RPS6KA2: variants seen among roughly 807,000 people sequenced by gnomAD.
The protein encoded by RPS6KA2 is ribosomal protein S6 kinase A2, also known as ribosomal protein S6 kinase alpha-2.
Under a neutral mutation model 91.8 loss-of-function variants are expected in RPS6KA2, and 42 were observed. That is an observed-to-expected ratio of 0.46 (90% CI 0.36 to 0.59). The LOEUF is 0.59. RPS6KA2 is among the 20% of genes least tolerant of loss of function. The pLI is 0.00. For synonymous variants in RPS6KA2, 414 were observed against 393.6 expected, an observed-to-expected ratio of 1.05 and a Z score of -0.61; for missense variants, 798 against 978.5, an observed-to-expected ratio of 0.82 and a Z score of 2.46.
intron 2 of RPS6KA2, among the ~76,000 whole-genome samples, chr6:166,832,421 A>G (rs1780210939): frequency 1.3e-5 from 2 of 152,236 alleles, no homozygotes; most frequent in African/African-American, 2.4e-5. Flanking sequence ...GACAGACCCC[A>G]GAGCCCAGGC....
At chr6:166,573,832 T>TA (rs1463829800) in intron 1 of RPS6KA2, among the ~76,000 whole-genome samples, 3 of 152,146 alleles carry the variant, frequency 2.0e-5, no homozygotes, top group African/African-American at 7.2e-5. Context: ...TGAAAAAAGT[T>TA]AGAGAGAACT....
chr6:166,522,798 AC>A (rs1205406038), intron 3 of RPS6KA2, among the ~76,000 whole-genome samples: 2 of 152,204 alleles, frequency 1.3e-5, no homozygotes, highest in Non-Finnish European at 2.9e-5. Flanking sequence ...TTGGGGGCAA[AC>A]TTTTTACAGT....
intron 16 of RPS6KA2, among the ~76,000 whole-genome samples, chr6:166,427,625 T>C (rs1240015161): frequency 2.0e-5 from 3 of 152,204 alleles, no homozygotes; most frequent in East Asian, 1.9e-4. Flanking sequence ...AAAATCAATG[T>C]ACAAAAATCA....
intron 16 of RPS6KA2, among the ~76,000 whole-genome samples, chr6:166,425,367 C>T (rs936181114): frequency 6.6e-6 from 1 of 151,910 alleles, no homozygotes; most frequent in African/African-American, 2.4e-5. Flanking sequence ...TAAAGACCAT[C>T]GAGACTAGGA....
chr6:166,443,458 T>C (rs900910933), intron 14 of RPS6KA2, among the ~76,000 whole-genome samples: 1 of 152,152 alleles, frequency 6.6e-6, no homozygotes, highest in Admixed American at 6.5e-5. Flanking sequence ...CGGTGAAAAA[T>C]ATGTGAGAAC....
chr6:166,856,498 A>C lies in RPS6KA2; in HGVS notation c.123+1702T>G, dbSNP rs567864871. 2.0e-5 allele frequency among the ~76,000 whole-genome samples: 3 copies of C among 152,314 alleles called. No individual in the cohort carries two copies. The South Asian group carries it at 6.2e-4, about 32-fold the overall frequency. The stretch of plus-strand genomic sequence containing the variant: ...TGTGGCATTCTGCTATGGCAGCCTG[A>C]ATGCAGCAGGACATGGTGTTATGGA... On this transcript the variant is annotated intron_variant, in intron 2 of 21. Coordinates refer to the RPS6KA2 transcript ENST00000503859.
At chr6:166,501,636 G>A (rs187648266) in intron 6 of RPS6KA2, among the ~76,000 whole-genome samples, 2 of 152,346 alleles carry the variant, frequency 1.3e-5, no homozygotes, top group East Asian at 3.9e-4. Context: ...AATGGAGGCA[G>A]GGTCCGTAAA....
In RPS6KA2 at chr6:166,533,572, G is replaced by C. The variant is rs538548840; in HGVS notation, c.217-2259C>G. 6.6e-6 allele frequency among the ~76,000 whole-genome samples: 1 copy of C among 152,352 alleles called. No homozygotes were observed. The highest frequency in any genetic ancestry group is 1.9e-4 in the East Asian group (1 of 5,170). On this transcript the variant is annotated intron_variant, in intron 2 of 20. Transcript: ENST00000265678. This position sits in a 1 kb window ranked among gnomAD's most constrained non-coding sequence, Gnocchi z 4.0. ...CTGGCCTAGGCAATGAAGAGCAGGT[G>C]CAAAACGTTCCAGCTGCCACTCCCT...
intron 2 of RPS6KA2, among the ~76,000 whole-genome samples, chr6:166,536,616 G>A (rs896917073): frequency 2.6e-5 from 4 of 152,052 alleles, no homozygotes; most frequent in African/African-American, 7.2e-5. Flanking sequence ...ATTAATCCAC[G>A]AAGCGGACCT....
intron 12 of RPS6KA2, among the ~76,000 whole-genome samples, chr6:166,452,304 G>A (rs940697157): frequency 1.3e-5 from 2 of 152,054 alleles, no homozygotes; most frequent in East Asian, 1.9e-4. Context: ...AAAGTGCACA[G>A]TAATAACAAA....
At chr6:166,514,860 G>A (rs531406173) in intron 3 of RPS6KA2, among the ~76,000 whole-genome samples, 1 of 152,180 alleles carries the variant, frequency 6.6e-6, no homozygotes, top group Non-Finnish European at 1.5e-5. Flanking sequence ...CTGCCTGGGC[G>A]ACTGGTGGAG....
Position 166,557,881 on chromosome 6 carries a change from G to A in RPS6KA2, c.100-19097C>T, listed in dbSNP as rs1182280215. 6.6e-6 allele frequency among the ~76,000 whole-genome samples: 1 copy of A among 152,132 alleles called. No individual in the cohort carries two copies. The highest frequency in any genetic ancestry group is 2.4e-5 in the African/African-American group (1 of 41,420). Reference sequence around the variant, plus strand: ...TAGAAAGCCTGTTACACCAGTGTATGTCAGGGTTCTTCAGAAAAACAAAAC... The same window carrying A: ...TAGAAAGCCTGTTACACCAGTGTATATCAGGGTTCTTCAGAAAAACAAAAC... On this transcript the variant is annotated intron_variant, in intron 1 of 20. Coordinates refer to ENST00000265678, the MANE Select transcript of RPS6KA2 (RefSeq NM_021135.6). The surrounding 1 kb of genome is among the most constrained non-coding windows in gnomAD (Gnocchi z 4.8).
chr6:166,447,534 A>G (rs1779719348), intron 14 of RPS6KA2, among the ~76,000 whole-genome samples: 1 of 152,164 alleles, frequency 6.6e-6, no homozygotes, highest in African/African-American at 2.4e-5. Flanking sequence ...TTCCCAGTGC[A>G]AGAAACACGG....
At chr6:166,792,200 C>G (rs965975517) in intron 2 of RPS6KA2, among the ~76,000 whole-genome samples, 2 of 152,204 alleles carry the variant, frequency 1.3e-5, no homozygotes, top group African/African-American at 4.8e-5. Context: ...GAAATACAAA[C>G]TACCATCAGA....
At chr6:166,488,612 G>A (rs1430147046) in intron 10 of RPS6KA2, among the ~76,000 whole-genome samples, 1 of 152,210 alleles carries the variant, frequency 6.6e-6, no homozygotes, top group South Asian at 2.1e-4. Flanking sequence ...AACAGCTTAT[G>A]GTATTTTGGC....
intron 2 of RPS6KA2, among the ~76,000 whole-genome samples, chr6:166,837,433 T>C (rs62438024): frequency 0.19 from 28,173 of 152,156 alleles, 2,845 homozygotes; most frequent in African/African-American, 0.23. Flanking sequence ...AAGCAGGGCC[T>C]TCCCCCTCCC....
chr6:166,591,749 C>T (rs1785361223), intron 1 of RPS6KA2, among the ~76,000 whole-genome samples: 1 of 152,164 alleles, frequency 6.6e-6, no homozygotes, highest in African/African-American at 2.4e-5. Flanking sequence ...CGGTTAATCC[C>T]ACCTGTTCGA....
chr6:166,677,436 A>G (rs1375622910), intron 2 of RPS6KA2, among the ~76,000 whole-genome samples: 1 of 149,418 alleles, frequency 6.7e-6, no homozygotes, highest in African/African-American at 2.5e-5. Context: ...ATGTCGGCTC[A>G]CTGCAACCTC....
At position 166,490,890 on chromosome 6, in the gene RPS6KA2, G is replaced by A; in HGVS notation, c.748-149C>T. The A allele has an allele frequency of 1.6e-6, 1 of 633,476 alleles. No individual in the cohort carries two copies. Among genetic ancestry groups the A allele is most frequent in the Non-Finnish European group, 2.8e-6 (1 of 355,636 alleles). The allele number at this position is 633,476 out of a possible 1,614,324, so 39.2% of individuals were successfully genotyped here. ...ATTGTAGCCACTGGCCTACGTGCTTGGGGTACAACAGTGACTAAAACTGCC... is the reference window on the plus strand; with the variant it reads ...ATTGTAGCCACTGGCCTACGTGCTTAGGGTACAACAGTGACTAAAACTGCC... On this transcript the variant is annotated intron_variant, in intron 8 of 20. Transcript: ENST00000265678. The surrounding 1 kb of genome is among the most constrained non-coding windows in gnomAD (Gnocchi z 4.2).
Sources: allele counts gnomAD v4.1 joint callset (sites outside exome capture counted in the v4.1 genomes callset), GRCh38; gene constraint gnomAD v4.1.1; non-coding constraint Gnocchi (gnomAD v3.1); transcripts MANE v1.5; gene names NCBI Gene and HGNC (gene_info 2026-07-23, HGNC 2026-07-21).